TTN: variants seen among roughly 807,000 people sequenced by gnomAD.
TTN encodes the protein connectin.
A neutral mutation model predicts 3,223.0 loss-of-function variants in TTN; 1,525 were observed. The ratio of observed to expected loss-of-function variants is 0.47; its 90% CI spans 0.45 to 0.49. The LOEUF is 0.49. Ranked by LOEUF, TTN falls within the 20% of genes least tolerant of loss-of-function variation. The pLI is 0.00. For missense variants in TTN, 40,786 were observed against 43,424.0 expected (o/e 0.94, Z 5.40); for synonymous variants, 14,094 against 15,161.0 (o/e 0.93, Z 5.17).
Position 178,649,569 on chromosome 2 carries a change from T to C in TTN, c.39958A>G (p.Thr13320Ala). ...AAGTGAATACCTTTAGCTGCTGGTG[T>C]TTCTGGCTTCTTAACAGTTGGGACC... The part of the protein sequence containing the change: ...KKVPTVKKPE[T>A]PAAKVPEVPK... Residue 13320 changes from threonine to alanine, a missense_variant, in exon 212 of 363, where the codon ACA becomes GCA. By Grantham distance (58) the Thr-to-Ala change is moderately conservative (BLOSUM62 0). Transcript: ENST00000589042. 6.5e-7 allele frequency: 1 copy of C among 1,549,934 alleles called. No individual in the cohort carries two copies. Among genetic ancestry groups the C allele is most frequent in the South Asian group, 1.2e-5 (1 of 84,012 alleles).
chr2:178,583,450 T>C, intron 312 of TTN, 157 bp downstream of exon 312: 1 of 909,558 alleles, frequency 1.1e-6, no homozygotes, highest in Non-Finnish European at 1.6e-6. Flanking sequence ...TTTAGCATGT[T>C]ATTATGATTC....
Position 178,612,391 on chromosome 2 carries a change from C to G in TTN, c.50134G>C (p.Val16712Leu), listed in dbSNP as rs2056497488. The change falls in exon 266 of 363, where the codon GTC becomes CTC. Residue 16712 changes from valine (V) to leucine (L), a missense_variant. Physicochemically the swap from Val to Leu is conservative, Grantham distance 32 (BLOSUM62 1). Coordinates refer to ENST00000589042, the MANE Select transcript of TTN (RefSeq NM_001267550.2). ...DTTVKDTKCT[V>L]TPLTEGSLYV... Reference sequence around the variant, plus strand: ...AAAGAGCCCTCAGTCAGTGGGGTGACTGTGCACTTGGTGTCCTTGACAGTG... The same window carrying G: ...AAAGAGCCCTCAGTCAGTGGGGTGAGTGTGCACTTGGTGTCCTTGACAGTG... The G allele has an allele frequency of 6.2e-7, 1 of 1,612,544 alleles. No homozygotes were observed. The highest frequency in any genetic ancestry group is 1.1e-5 in the South Asian group (1 of 91,050).
At chr2:178,699,723 A>ATTT (rs58607203) in intron 111 of TTN, among the ~76,000 whole-genome samples, 8 of 58,142 alleles carry the variant, frequency 1.4e-4, no homozygotes, top group African/African-American at 3.1e-4. Context: ...CTCTTTTTTA[A>ATTT]TTTTTTTTTT....
chr2:178,724,217 A>G, intron 72 of TTN, 43 bp downstream of exon 72: 1 of 1,585,906 alleles, frequency 6.3e-7, no homozygotes, highest in African/African-American at 1.4e-5. Context: ...AAACTTGTAA[A>G]AGGAATTTGC....
At position 178,601,435 on chromosome 2, in the gene TTN, A is replaced by G. The variant is rs538872534; in HGVS notation, c.55562T>C (p.Ile18521Thr). The G allele has an allele frequency of 9.9e-6, 16 of 1,612,844 alleles. No individual in the cohort carries two copies. The highest frequency in any genetic ancestry group is 1.7e-4 in the Middle Eastern group (1 of 6,056). The change falls in exon 287 of 363, where the codon ATT becomes ACT. Residue 18521 changes from isoleucine (I) to threonine (T), a missense_variant. Coordinates refer to ENST00000589042, the MANE Select transcript of TTN (RefSeq NM_001267550.2). The stretch of plus-strand genomic sequence containing the variant: ...GACTTTGGTCCAGGCTTTTCCATCA[A>G]TAGTCCTCTTCTCAATAACATAGCC... ...IKGYVIEKRT[I>T]DGKAWTKVNP... is the part of the protein sequence containing the mutation.
intron 106 of TTN, among the ~76,000 whole-genome samples, chr2:178,703,723 TTTATG>T (rs1484142630): frequency 3.3e-5 from 5 of 152,202 alleles, no homozygotes; most frequent in African/African-American, 1.2e-4. Context: ...ACATGACATG[TTTATG>T]TTATCTATAT....
Position 178,732,713 on chromosome 2 carries a change from G to A in TTN, c.16348C>T (p.Pro5450Ser). The A allele has an allele frequency of 6.3e-7, 1 of 1,589,006 alleles. No individual in the cohort carries two copies. Among genetic ancestry groups the A allele is most frequent in the Non-Finnish European group, 8.6e-7 (1 of 1,167,932 alleles). Residue 5450 changes from proline (P) to serine (S), a missense_variant, in exon 56 of 363, where the codon CCC becomes TCC. Physicochemically the swap from Pro to Ser is moderately conservative, Grantham distance 74 (BLOSUM62 -1). Transcript: ENST00000589042. The part of the protein sequence containing the change: ...SSGALIVQEP[P>S]SFVTKPGSKD... ...GAGCCGGGTTTAGTTACAAAACTGG[G>A]TGGTTCTGAAGAAGGGGTATAAGAA...
rs371022665 is a variant in TTN, at chr2:178,532,651, A to C, written c.103964T>G (p.Leu34655Arg). The C allele has an allele frequency of 6.2e-7, 1 of 1,613,968 alleles. No homozygotes were observed. ...DFYYRPRRRS[L>R]GDISDEELLL... ...TAATTCTTCATCAGAGATGTCCCCA[A>C]GAGAACGTCTTCTAGGTCGGTAGTA... is the stretch of plus-strand genomic sequence containing the variant. Residue 34655 changes from leucine (L) to arginine (R), a missense_variant, in exon 358 of 363, where the codon CTT becomes CGT. Physicochemically the swap from Leu to Arg is moderately radical, Grantham distance 102. Coordinates refer to ENST00000589042, the MANE Select transcript of TTN (RefSeq NM_001267550.2).
chr2:178,747,782 G>A, intron 47 of TTN: 1 of 1,612,168 alleles, frequency 6.2e-7, no homozygotes, highest in Non-Finnish European at 8.5e-7. Context: ...TCCTTCTAAA[G>A]TGGAGAAAGA....
rs544304114 is a variant in TTN, at chr2:178,772,117, G to C, written c.7856-646C>G. Among the ~76,000 whole-genome samples the C allele has an allele frequency of 2.0e-4, 30 of 152,186 alleles. 1 individual carries two copies. The South Asian group carries it at 5.4e-3, about 27-fold the overall frequency. ...TTCTACAAGTGTCTGACCAATGGTAGGTACTTTAAAAACACTGGGTGAAAT... is the reference window on the plus strand; with the variant it reads ...TTCTACAAGTGTCTGACCAATGGTACGTACTTTAAAAACACTGGGTGAAAT... On this transcript the variant is annotated intron_variant, in intron 33 of 362. Coordinates refer to ENST00000589042, the MANE Select transcript of TTN (RefSeq NM_001267550.2).
chr2:178,562,479 C>T lies in TTN; in HGVS notation c.83653G>A (p.Glu27885Lys). The change falls in exon 326 of 363, where the codon GAG (glutamate) becomes AAG (lysine). Residue 27885 changes from glutamate (E) to lysine (K), a missense_variant. Physicochemically the swap from Glu to Lys is moderately conservative, Grantham distance 56. Coordinates refer to ENST00000589042, the MANE Select transcript of TTN (RefSeq NM_001267550.2). The part of the protein sequence containing the change: ...VTRNTATIKW[E>K]KPESDGGSKI... ...CTGCCACCATCACTTTCTGGTTTCT[C>T]CCACTTAATTGTAGCTGTATTACGG... 6.2e-7 allele frequency: 1 copy of T among 1,613,326 alleles called. No individual in the cohort carries two copies. The highest frequency in any genetic ancestry group is 8.5e-7 in the Non-Finnish European group (1 of 1,179,602).
intron 73 of TTN, 36 bp downstream of exon 73, chr2:178,723,820 G>T: frequency 4.5e-6 from 7 of 1,564,216 alleles, no homozygotes; most frequent in Non-Finnish European, 6.1e-6. Flanking sequence ...AGAGGAATTT[G>T]TAAGAAATTC....
In TTN at chr2:178,544,252, T is replaced by A; in HGVS notation, c.95977A>T (p.Met31993Leu). ...GCAATTGATTCGCTGTATTCGCTCATACCCTTCACGTTCACGGCAGCAACT... is the reference window on the plus strand; with the variant it reads ...GCAATTGATTCGCTGTATTCGCTCAAACCCTTCACGTTCACGGCAGCAACT... ...FRVAAVNVKG[M>L]SEYSESIAEI... is the part of the protein sequence containing the mutation. Residue 31993 changes from methionine (M) to leucine (L), a missense_variant, in exon 345 of 363, where the codon ATG (methionine) becomes TTG (leucine). Coordinates refer to ENST00000589042, the MANE Select transcript of TTN (RefSeq NM_001267550.2). The A allele has an allele frequency of 1.2e-6, 2 of 1,613,836 alleles. No homozygotes were observed. The highest frequency in any genetic ancestry group is 1.7e-6 in the Non-Finnish European group (2 of 1,179,736).
chr2:178,728,365 A>T lies in TTN; in HGVS notation c.19459T>A (p.Leu6487Ile). The change falls in exon 67 of 363, where the codon TTA becomes ATA. Residue 6487 changes from leucine to isoleucine, a missense_variant. Physicochemically the swap from Leu to Ile is conservative, Grantham distance 5. Transcript: ENST00000589042. ...QNIPPSFTKK[L>I]TKMDKVLGSS... ...CCCAGAACTTTATCCATTTTGGTTA[A>T]TTTTTTGGTGAATGATGGAGGAATA... 6.2e-7 allele frequency: 1 copy of T among 1,603,406 alleles called. No homozygotes were observed. Among genetic ancestry groups the T allele is most frequent in the Non-Finnish European group, 8.5e-7 (1 of 1,175,690 alleles).
Position 178,713,928 on chromosome 2 carries a change from T to C in TTN, c.26730A>G (p.Lys8910=), listed in dbSNP as rs1221779579. 1.2e-6 allele frequency: 2 copies of C among 1,613,646 alleles called. No homozygotes were observed. The highest frequency in any genetic ancestry group is 1.7e-6 in the Non-Finnish European group (2 of 1,179,660). Residue 8910 remains lysine, a synonymous_variant, in exon 92 of 363, where the codon AAA becomes AAG. Transcript: ENST00000589042. ...YSFEVQNPVG[K]DSCTASLQVS... ...CCTGCAATGAAGCTGTGCAGCTGTC[T>C]TTGCCAACAGGGTTCTGCACCTCAA...
intron 6 of TTN, among the ~76,000 whole-genome samples, chr2:178,797,380 CAT>C (rs146858785): frequency 0.2 from 30,039 of 151,714 alleles, 3,049 homozygotes; most frequent in South Asian, 0.25. Flanking sequence ...TTTTTTTTCA[CAT>C]GTTTATTGGA....
At chr2:178,748,429 A>C (rs1188739110) in intron 47 of TTN, 11 of 1,613,084 alleles carry the variant, frequency 6.8e-6, no homozygotes, top group Non-Finnish European at 9.3e-6. Flanking sequence ...TGTGTGTGTC[A>C]GGTTGTAACG....
chr2:178,589,547 A>G lies in TTN; in HGVS notation c.62178T>C (p.Thr20726=), dbSNP rs72646847. 2.6e-3 allele frequency: 4,205 copies of G among 1,613,204 alleles called. 115 individuals carry two copies. The African/African-American group carries it at 0.051, about 19-fold the overall frequency. The change falls in exon 304 of 363, where the codon ACT becomes ACC. Residue 20726 remains threonine, a synonymous_variant. Coordinates refer to ENST00000589042, the MANE Select transcript of TTN (RefSeq NM_001267550.2). The part of the protein sequence containing the change: ...ERVHKGSIKE[T]HYMVDRCVEN... ...CAACACATCTGTCAACCATGTAGTG[A>G]GTTTCTTTAATGCTTCCTTTATGCA...
At position 178,579,969 on chromosome 2, in the gene TTN, C is replaced by T. The variant is rs727503576; in HGVS notation, c.67318G>A (p.Gly22440Ser). Residue 22440 changes from glycine to serine, a missense_variant, in exon 318 of 363, where the codon GGT becomes AGT. Physicochemically the swap from Gly to Ser is moderately conservative, Grantham distance 56 (BLOSUM62 0). Coordinates refer to ENST00000589042, the MANE Select transcript of TTN (RefSeq NM_001267550.2). The stretch of plus-strand genomic sequence containing the variant: ...GCTTTGACAGCATCACGAGTTTCAC[C>T]GGGATCACCAATGCCATACTCATTT... Reference protein sequence around the residue: ...AENEYGIGDPGETRDAVKASQ... With the variant: ...AENEYGIGDPSETRDAVKASQ... 15 of 1,612,934 alleles carry T rather than the reference C, an allele frequency of 9.3e-6. No homozygotes were observed. Among genetic ancestry groups the T allele is most frequent in the Admixed American group, 3.3e-5 (2 of 59,948 alleles).
Sources: allele counts gnomAD v4.1 joint callset (sites outside exome capture counted in the v4.1 genomes callset), GRCh38; gene constraint gnomAD v4.1.1; transcripts MANE v1.5; gene names NCBI Gene and HGNC (gene_info 2026-07-23, HGNC 2026-07-21).